PDE4D: variants seen among roughly 807,000 people sequenced by gnomAD.
The protein encoded by PDE4D is 3',5'-cyclic-AMP phosphodiesterase 4D.
Under a neutral mutation model 87.4 loss-of-function variants are expected in PDE4D, and 24 were observed. The ratio of observed to expected loss-of-function variants is 0.27; its 90% CI spans 0.20 to 0.39. The LOEUF (loss-of-function observed/expected upper bound fraction) is 0.39. PDE4D is among the 10% of genes least tolerant of loss of function. The pLI is 1.00. For synonymous variants in PDE4D, 384 were observed against 383.2 expected (o/e 1.00, Z -0.02); for missense variants, 714 against 1,041.0 (o/e 0.69, Z 4.32).
chr5:60,005,734 T>A (rs1764410109), intron 2 of PDE4D, among the ~76,000 whole-genome samples: 1 of 151,952 alleles, frequency 6.6e-6, no homozygotes, highest in South Asian at 2.1e-4. Context: ...TAACTAATAA[T>A]TATAGAAAAT....
intron 6 of PDE4D, among the ~76,000 whole-genome samples, chr5:59,029,255 TA>T (rs1342251968): frequency 2.3e-5 from 1 of 42,800 alleles, no homozygotes; most frequent in Non-Finnish European, 4.8e-5. Context: ...TACTTAAAAA[TA>T]CAAAAAAAAA....
At chr5:60,065,523 G>T (rs965098537) in intron 2 of PDE4D, among the ~76,000 whole-genome samples, 1 of 151,716 alleles carries the variant, frequency 6.6e-6, no homozygotes, top group Non-Finnish European at 1.5e-5. Context: ...TGCCATGCTG[G>T]TATGCTGTAC....
chr5:60,030,791 C>T (rs552038636), intron 2 of PDE4D: 64 of 152,298 alleles, frequency 4.2e-4, no homozygotes, highest in African/African-American at 1.5e-3. Context: ...TAAAAACTCA[C>T]ACTACCTCGT....
intron 6 of PDE4D, among the ~76,000 whole-genome samples, chr5:59,005,703 C>A (rs1751465807): frequency 6.6e-6 from 1 of 152,202 alleles, no homozygotes; most frequent in African/African-American, 2.4e-5. Context: ...CATTTCTAAT[C>A]TTGGCAACAT....
intron 2 of PDE4D, among the ~76,000 whole-genome samples, chr5:60,126,895 A>G (rs1023859204): frequency 1.4e-4 from 21 of 152,212 alleles, no homozygotes; most frequent in African/African-American, 4.6e-4. Context: ...GAGACTAACA[A>G]TTTAATCACA....
intron 2 of PDE4D, among the ~76,000 whole-genome samples, chr5:59,197,069 T>G (rs1347726766): frequency 6.6e-6 from 1 of 152,212 alleles, no homozygotes; most frequent in African/African-American, 2.4e-5. Context: ...CTATAAAGTT[T>G]ATTTTTTTCA....
intron 1 of PDE4D, among the ~76,000 whole-genome samples, chr5:59,236,699 C>A (rs1756509595): frequency 1.3e-5 from 2 of 152,016 alleles, no homozygotes; most frequent in Non-Finnish European, 2.9e-5. Flanking sequence ...TGGTGGTGTC[C>A]CTGCCCACAT....
chr5:59,245,771 T>C (rs976705574), intron 1 of PDE4D, among the ~76,000 whole-genome samples: 4 of 152,036 alleles, frequency 2.6e-5, no homozygotes, highest in African/African-American at 7.2e-5. Flanking sequence ...ATCTTAAATG[T>C]AGACAATATT....
chr5:60,504,936 C>A (rs1336372236), intron 1 of PDE4D, among the ~76,000 whole-genome samples: 2 of 152,190 alleles, frequency 1.3e-5, no homozygotes, highest in Non-Finnish European at 2.9e-5. Flanking sequence ...AATGCCTCAT[C>A]TGTCTGCATG....
rs573647153 is a variant in PDE4D, at chr5:59,188,153, C to T, written c.685-2891G>A. Among the ~76,000 whole-genome samples, 18 of 152,250 alleles carry T rather than the reference C, an allele frequency of 1.2e-4. 1 individual carries two copies. The South Asian group carries it at 3.5e-3, about 30-fold the overall frequency. ...GACTCTTTAAGAACTGTAGTCAAAG[C>T]TTTAAGGCTCCTTTTACAGTTGTCC... On this transcript the variant is annotated intron_variant, in intron 3 of 14. Coordinates refer to ENST00000340635, the MANE Select transcript of PDE4D (RefSeq NM_001104631.2).
chr5:59,202,638 A>AG (rs1482932237), intron 2 of PDE4D, among the ~76,000 whole-genome samples: 1 of 152,042 alleles, frequency 6.6e-6, no homozygotes, highest in East Asian at 1.9e-4. Context: ...TGACTGAATT[A>AG]GGGGGTCTGG....
At chr5:59,667,404 T>C (rs1746261895) in intron 1 of PDE4D, among the ~76,000 whole-genome samples, 1 of 152,120 alleles carries the variant, frequency 6.6e-6, no homozygotes, top group Admixed American at 6.5e-5. Context: ...CTTGACCTCC[T>C]GGGCTCAATT....
chr5:60,029,133 T>C (rs1766955924), intron 2 of PDE4D, among the ~76,000 whole-genome samples: 1 of 152,222 alleles, frequency 6.6e-6, no homozygotes, highest in African/African-American at 2.4e-5. Flanking sequence ...TATAATTTTG[T>C]TACATGCATA....
chr5:59,442,417 G>A (rs1440221211), intron 1 of PDE4D, among the ~76,000 whole-genome samples: 1 of 152,158 alleles, frequency 6.6e-6, no homozygotes, highest in Non-Finnish European at 1.5e-5. Context: ...AGGAGGTCAA[G>A]TTGCAACATC....
intron 1 of PDE4D, among the ~76,000 whole-genome samples, chr5:59,395,102 T>A (rs1204110590): frequency 6.6e-6 from 1 of 152,026 alleles, no homozygotes; most frequent in Non-Finnish European, 1.5e-5. Flanking sequence ...TCTCGCTGAT[T>A]GCTAGCACAG....
chr5:59,548,662 T>G (rs1181374763), intron 1 of PDE4D, among the ~76,000 whole-genome samples: 1 of 152,112 alleles, frequency 6.6e-6, no homozygotes, highest in African/African-American at 2.4e-5. Flanking sequence ...AGGTTTTGAT[T>G]AGTTGTTTTT....
chr5:59,480,491 G>C (rs1804074506), intron 1 of PDE4D, among the ~76,000 whole-genome samples: 1 of 152,000 alleles, frequency 6.6e-6, no homozygotes, highest in Admixed American at 6.6e-5. Flanking sequence ...CCAACACCCA[G>C]GTTCTGGTCC....
intron 5 of PDE4D, among the ~76,000 whole-genome samples, chr5:59,142,013 A>G (rs779296730): frequency 6.6e-6 from 1 of 152,160 alleles, no homozygotes; most frequent in Non-Finnish European, 1.5e-5. Context: ...TTGGGAACAC[A>G]ATCTTGCAAC....
intron 5 of PDE4D, among the ~76,000 whole-genome samples, chr5:59,059,909 C>T (rs1762886797): frequency 6.6e-6 from 1 of 152,102 alleles, no homozygotes; most frequent in African/African-American, 2.4e-5. Context: ...TGCTTTTCTT[C>T]ATCACTTGTT....
Sources: allele counts gnomAD v4.1 joint callset (sites outside exome capture counted in the v4.1 genomes callset), GRCh38; gene constraint gnomAD v4.1.1; transcripts MANE v1.5; gene names NCBI Gene and HGNC (gene_info 2026-07-23, HGNC 2026-07-21).